Variants in RBM19 observed in about 807,000 individuals in gnomAD.
RBM19 encodes probable RNA-binding protein 19.
Under a neutral mutation model 116.8 loss-of-function variants are expected in RBM19, and 94 were observed. The ratio of observed to expected loss-of-function variants is 0.80; its 90% CI spans 0.68 to 0.95. RBM19 has a LOEUF of 0.95. Among genes scored for constraint, RBM19 ranks in the 40% least tolerant of loss-of-function variants. The pLI, the probability that RBM19 is intolerant of heterozygous loss-of-function variation, is 0.00. For synonymous variants in RBM19, 475 were observed against 494.1 expected (o/e 0.96, Z 0.51); for missense variants, 1,161 against 1,220.7 (o/e 0.95, Z 0.73).
chr12:113,940,480 A>G (rs1034526960), intron 14 of RBM19, among the ~76,000 whole-genome samples: 4 of 152,188 alleles, frequency 2.6e-5, no homozygotes, highest in African/African-American at 9.6e-5. Flanking sequence ...TCTCAGTACC[A>G]AGGCTTTTTT....
intron 21 of RBM19, among the ~76,000 whole-genome samples, chr12:113,872,133 C>T (rs1379986297): frequency 2.7e-5 from 4 of 147,442 alleles, no homozygotes; most frequent in Non-Finnish European, 4.5e-5. Flanking sequence ...CGTCTCTGCC[C>T]GGCCGCCCAT....
chr12:113,861,034 A>T (rs1488053738), intron 21 of RBM19, among the ~76,000 whole-genome samples: 2 of 152,270 alleles, frequency 1.3e-5, no homozygotes, highest in African/African-American at 4.8e-5. Flanking sequence ...TAGCCTTATC[A>T]TTCCCATGTT....
At chr12:113,946,700 C>T (rs2290795) in intron 11 of RBM19, among the ~76,000 whole-genome samples, 13,327 of 152,150 alleles carry the variant, frequency 0.088, 678 homozygotes, top group East Asian at 0.17. Context: ...CACAAAACTT[C>T]GATCAGTGTA....
In RBM19 at chr12:113,903,224, GGAATCTGTGGGTGCA is replaced by G. The variant is rs1244343750; in HGVS notation, c.2558+11730_2558+11744del. 6.6e-6 allele frequency among the ~76,000 whole-genome samples: 1 copy of G among 152,152 alleles called. No individual in the cohort carries two copies. The highest frequency in any genetic ancestry group is 1.5e-5 in the Non-Finnish European group (1 of 68,032). ...GCATTATTTTCGATCTGTGGTTGGT[GGAATCTGTGGGTGCA>G]GAATCTGTGGATGTGGAACCCACAG... On this transcript the variant is annotated intron_variant, in intron 21 of 23. Coordinates refer to ENST00000261741, the MANE Select transcript of RBM19 (RefSeq NM_016196.4). This position sits in a 1 kb window ranked among gnomAD's most constrained non-coding sequence, Gnocchi z 5.1.
chr12:113,846,009 T>A (rs1876935227), intron 22 of RBM19, among the ~76,000 whole-genome samples: 1 of 152,236 alleles, frequency 6.6e-6, no homozygotes, highest in Non-Finnish European at 1.5e-5. Context: ...TCTAGAACAG[T>A]ATGGGCACAC....
chr12:113,914,884 CAGGACCCAA>C, intron 21 of RBM19, 76 bp downstream of exon 21: 1 of 1,206,014 alleles, frequency 8.3e-7, no homozygotes, highest in Non-Finnish European at 1.2e-6. Flanking sequence ...CGGAACCATC[CAGGACCCAA>C]AGGCCATCTT....
At chr12:113,914,875 G>A (rs1417326285) in intron 21 of RBM19, 94 bp downstream of exon 21, 15 of 1,086,600 alleles carry the variant, frequency 1.4e-5, no homozygotes, top group South Asian at 6.4e-5. Context: ...GGCCTGCAAC[G>A]GAACCATCCA....
intron 3 of RBM19, 76 bp downstream of exon 3, chr12:113,959,983 C>A (rs1157190226): frequency 6.2e-7 from 1 of 1,613,574 alleles, no homozygotes; most frequent in East Asian, 2.2e-5. Flanking sequence ...CCTGGGAGGG[C>A]CCATCTTTGG....
intron 23 of RBM19, among the ~76,000 whole-genome samples, chr12:113,840,990 G>A (rs181301585): frequency 3.3e-5 from 5 of 152,298 alleles, no homozygotes; most frequent in Non-Finnish European, 4.4e-5. Flanking sequence ...CCCATCTCCC[G>A]TGGCACTGGG....
Position 113,899,163 on chromosome 12 carries a change from C to T in RBM19, c.2558+15806G>A, listed in dbSNP as rs61146088. ...TAGGAATGAAACTCAGAGACCATCACGTCGTTGGGAATTCCCTTACTTCAG... is the reference window on the plus strand; with the variant it reads ...TAGGAATGAAACTCAGAGACCATCATGTCGTTGGGAATTCCCTTACTTCAG... On this transcript the variant is annotated intron_variant, in intron 21 of 23. Coordinates refer to ENST00000261741, the MANE Select transcript of RBM19 (RefSeq NM_016196.4). Among the ~76,000 whole-genome samples the T allele has an allele frequency of 4.4e-3, 665 of 152,320 alleles. 6 individuals carry two copies. Among genetic ancestry groups the T allele is most frequent in the African/African-American group, 0.015 (622 of 41,554 alleles).
At chr12:113,879,103 C>T (rs1390014818) in intron 21 of RBM19, among the ~76,000 whole-genome samples, 1 of 152,138 alleles carries the variant, frequency 6.6e-6, no homozygotes, top group Non-Finnish European at 1.5e-5. Context: ...TTCTGCCCCT[C>T]CTGGCCACCC....
chr12:113,913,308 G>A (rs1457553520), intron 21 of RBM19, among the ~76,000 whole-genome samples: 3 of 152,096 alleles, frequency 2.0e-5, no homozygotes, highest in South Asian at 2.1e-4. Flanking sequence ...CAGACATACC[G>A]AGAGGCTAAG....
intron 13 of RBM19, 140 bp from the exon 14 acceptor site, chr12:113,942,574 A>C: frequency 3.7e-6 from 2 of 538,712 alleles, no homozygotes; most frequent in Non-Finnish European, 3.2e-6. Flanking sequence ...CATTGATCAG[A>C]TGCCCCCAAC....
At chr12:113,880,386 T>C (rs1020940891) in intron 21 of RBM19, among the ~76,000 whole-genome samples, 62 of 152,148 alleles carry the variant, frequency 4.1e-4, no homozygotes, top group Admixed American at 3.7e-3. Flanking sequence ...TGCCTACATC[T>C]GTAAAGATCC....
At chr12:113,873,689 T>TAA (rs146761765) in intron 21 of RBM19, among the ~76,000 whole-genome samples, 14,623 of 127,416 alleles carry the variant, frequency 0.11, 884 homozygotes, top group Non-Finnish European at 0.15. Context: ...AAAAATAAAT[T>TAA]AAAAAAAAAA....
chr12:113,954,520 CT>C (rs1409207710), intron 7 of RBM19, among the ~76,000 whole-genome samples: 3 of 152,186 alleles, frequency 2.0e-5, no homozygotes, highest in Non-Finnish European at 4.4e-5. Context: ...GGTAGCACCC[CT>C]CTCACTCTCA....
intron 21 of RBM19, among the ~76,000 whole-genome samples, chr12:113,867,502 T>C (rs1004265923): frequency 6.6e-6 from 1 of 152,132 alleles, no homozygotes; most frequent in Non-Finnish European, 1.5e-5. Context: ...CAACCCAGGG[T>C]TGGTGCACAC....
rs1874808476 is a variant in RBM19, at chr12:113,825,784, C to G, written c.2786-2463G>C. ...ACTTGGGGTGCTTCTTCCCCATGCT[C>G]CTGCACCCCTGGGCCGTGCCACCAT... is the stretch of plus-strand genomic sequence containing the variant. On this transcript the variant is annotated intron_variant, in intron 23 of 23. Coordinates refer to ENST00000261741, the MANE Select transcript of RBM19 (RefSeq NM_016196.4). The surrounding 1 kb of genome is among the most constrained non-coding windows in gnomAD (Gnocchi z 5.7). Among the ~76,000 whole-genome samples the G allele has an allele frequency of 6.6e-6, 1 of 152,200 alleles. No individual in the cohort carries two copies. The highest frequency in any genetic ancestry group is 2.1e-4 in the South Asian group (1 of 4,830).
chr12:113,940,085 C>T lies in RBM19; in HGVS notation c.1813G>A (p.Glu605Lys). 1 of 1,614,068 alleles carries T rather than the reference C, an allele frequency of 6.2e-7. No individual in the cohort carries two copies. Among genetic ancestry groups the T allele is most frequent in the Non-Finnish European group, 8.5e-7 (1 of 1,179,946 alleles). ...PAGTLAAQLQ[E>K]TFGHFGSLGR... The stretch of plus-strand genomic sequence containing the variant: ...AGGCTGCCAAAATGGCCGAAGGTCT[C>T]CTGCAGCTGGGCCGCCAGGGTGCCT... Residue 605 changes from glutamate (E) to lysine (K), a missense_variant, in exon 15 of 24, where the codon GAG becomes AAG. Glu to Lys is a moderately conservative substitution (Grantham distance 56). Transcript: ENST00000261741.
Sources: gnomAD v4.1 joint callset for allele counts (sites outside exome capture counted in the v4.1 genomes callset) on GRCh38, gnomAD v4.1.1 for gene constraint, Gnocchi (gnomAD v3.1) non-coding constraint, MANE v1.5 for transcripts, NCBI Gene and HGNC (gene_info 2026-07-23, HGNC 2026-07-21) for gene names.